The following FBXO41 variants were observed in gnomAD, a reference collection of about 807,000 sequenced individuals.
FBXO41 encodes F-box protein 41, also known as F-box only protein 41.
Under a neutral mutation model 81.6 loss-of-function variants are expected in FBXO41, and 33 were observed. That is an observed-to-expected ratio of 0.40 (90% CI 0.31 to 0.54). FBXO41 has a LOEUF of 0.54. FBXO41 is among the 20% of genes least tolerant of loss of function. The pLI is 0.39. For synonymous variants in FBXO41, 576 were observed against 552.7 expected, an observed-to-expected ratio of 1.04 and a Z score of -0.59; for missense variants, 1,107 against 1,236.0, an observed-to-expected ratio of 0.90 and a Z score of 1.56.
intron 2 of FBXO41, among the ~76,000 whole-genome samples, chr2:73,268,371 A>T (rs974619193): frequency 6.6e-6 from 1 of 152,186 alleles, no homozygotes; most frequent in African/African-American, 2.4e-5. Context: ...ATGCTTTTAG[A>T]AATATGCAGA....
rs1416356681 is a variant in FBXO41 at position 73,257,997 on chromosome 2, G to C, written c.*985C>G. 1 of 152,270 alleles carries C rather than the reference G, an allele frequency of 6.6e-6. No homozygotes were observed. The highest frequency in any genetic ancestry group is 2.4e-5 in the African/African-American group (1 of 41,426). The allele number at this position is 152,270 out of a possible 1,614,324, so 9.4% of individuals were successfully genotyped here. On this transcript the variant is annotated 3_prime_UTR_variant, in exon 13 of 13. Transcript: ENST00000520530. The surrounding 1 kb of genome is among the most constrained non-coding windows in gnomAD (Gnocchi z 4.6). ...CCACCCTCCTCCTGGCTTCCTCCAC[G>C]GCCTCAGCACAGAGGGCGGCCCTGT... is the stretch of plus-strand genomic sequence containing the variant.
Position 73,260,518 on chromosome 2 carries a change from C to A in FBXO41, c.2320G>T (p.Glu774Ter). The change falls in exon 11 of 13, where the codon GAG becomes TAG. Residue 774 changes from glutamate (E) to a stop codon, truncating the protein, a stop_gained. Transcript: ENST00000520530. LOFTEE classifies it high-confidence loss of function. This position sits in a 1 kb window ranked among gnomAD's most constrained non-coding sequence, Gnocchi z 5.0. ...ARNCMRLQVL[E>*]LDHVSEITQE... ...GTGATCTCTGACACGTGGTCAAGCT[C>A]CAGGACCTGCAGCCGCATGCAGTTT... is the stretch of plus-strand genomic sequence containing the variant. 1 of 1,599,228 alleles carries A rather than the reference C, an allele frequency of 6.3e-7. No individual in the cohort carries two copies. The highest frequency in any genetic ancestry group is 2.3e-5 in the East Asian group (1 of 44,036).
In FBXO41 at chr2:73,265,391, A is replaced by T; in HGVS notation, c.1455T>A (p.Asp485Glu). ...RRHSTEGEEG[D>E]VSDVGSRTTE... ...TGGTTCGGGAGCCAACGTCGGAGACATCACCCTCTTCCCCCTCAGTGCTGT... is the reference window on the plus strand; with the variant it reads ...TGGTTCGGGAGCCAACGTCGGAGACTTCACCCTCTTCCCCCTCAGTGCTGT... The change falls in exon 5 of 13, where the codon GAT becomes GAA. Residue 485 changes from aspartate (D) to glutamate (E), a missense_variant. Asp to Glu is a conservative substitution (Grantham distance 45). Coordinates refer to ENST00000520530, the MANE Select transcript of FBXO41 (RefSeq NM_001371389.2). The T allele has an allele frequency of 6.2e-7, 1 of 1,611,384 alleles. No homozygotes were observed. Among genetic ancestry groups the T allele is most frequent in the Non-Finnish European group, 8.5e-7 (1 of 1,179,730 alleles).
Position 73,264,326 on chromosome 2 carries a change from G to C in FBXO41, c.1758C>G (p.Pro586=), listed in dbSNP as rs773115773. 6.2e-7 allele frequency: 1 copy of C among 1,613,514 alleles called. No individual in the cohort carries two copies. Among genetic ancestry groups the C allele is most frequent in the Non-Finnish European group, 8.5e-7 (1 of 1,179,900 alleles). Residue 586 remains proline, a synonymous_variant, in exon 6 of 13, where the codon CCC becomes CCG. Coordinates refer to ENST00000520530, the MANE Select transcript of FBXO41 (RefSeq NM_001371389.2). ...CAAGCAGCACCCTTGTCCAGACTGC[G>C]GGGTGGCGGGCCACGAAGCGCCAGT... ...CRDWRFVARH[P]AVWTRVLLEN...
intron 1 of FBXO41, among the ~76,000 whole-genome samples, chr2:73,274,944 G>A (rs1340730203): frequency 1.3e-5 from 2 of 151,346 alleles, no homozygotes; most frequent in Non-Finnish European, 2.9e-5. Context: ...ACAATGGTGC[G>A]ATCTCAGCTC....
At chr2:73,276,971 G>C (rs1379078806) in intron 1 of FBXO41, among the ~76,000 whole-genome samples, 1 of 152,230 alleles carries the variant, frequency 6.6e-6, no homozygotes, top group Non-Finnish European at 1.5e-5. Context: ...CTAACTAAGT[G>C]CTGGTCCTTC....
At chr2:73,278,600 C>A (rs1399850030) in intron 1 of FBXO41, among the ~76,000 whole-genome samples, 1 of 152,144 alleles carries the variant, frequency 6.6e-6, no homozygotes, top group Admixed American at 6.5e-5. Flanking sequence ...TTAGAGTATA[C>A]AATTATGAAA....
chr2:73,265,209 G>T, intron 5 of FBXO41, 73 bp downstream of exon 5: 1 of 1,393,530 alleles, frequency 7.2e-7, no homozygotes, highest in South Asian at 1.4e-5. Context: ...GGGGAAAGGG[G>T]AGGGGGGTGC....
chr2:73,271,693 C>A lies in FBXO41; in HGVS notation c.-138-1925G>T, dbSNP rs1688505114. Among the ~76,000 whole-genome samples, 3 of 145,326 alleles carry A rather than the reference C, an allele frequency of 2.1e-5. No homozygotes were observed. In the South Asian group the frequency reaches 7.1e-4, roughly 34 times the overall value. On this transcript the variant is annotated intron_variant, in intron 1 of 12. Coordinates refer to ENST00000520530, the MANE Select transcript of FBXO41 (RefSeq NM_001371389.2). ...TCACCTGGGCTGGAGTGCAGTGGTG[C>A]AGTCTCGGCTCACTACAACCTCCCC...
chr2:73,273,159 CT>C (rs2103899974), intron 1 of FBXO41: 1 of 152,294 alleles, frequency 6.6e-6, no homozygotes, highest in South Asian at 2.1e-4. Flanking sequence ...ACCTTAGTAC[CT>C]AACCAAACAA....
At position 73,258,748 on chromosome 2, in the gene FBXO41, G is replaced by A; in HGVS notation, c.*234C>T. The A allele has an allele frequency of 2.1e-6, 1 of 479,942 alleles. No homozygotes were observed. Among genetic ancestry groups the A allele is most frequent in the Non-Finnish European group, 3.7e-6 (1 of 273,586 alleles). The allele number at this position is 479,942 out of a possible 1,614,324, so 29.7% of individuals were successfully genotyped here. A position where few individuals can be genotyped will look rare whatever the true frequency, so the allele number is the denominator to read the frequency against. ...CAGAGGCTACTCCAGCCGGGGTAGG[G>A]TGGGGGTCGGAGGGCAGCTTCTGTC... On this transcript the variant is annotated 3_prime_UTR_variant, in exon 13 of 13. Coordinates refer to ENST00000520530, the MANE Select transcript of FBXO41 (RefSeq NM_001371389.2).
At chr2:73,263,168 C>A in intron 9 of FBXO41, 45 bp downstream of exon 9, 1 of 1,499,926 alleles carries the variant, frequency 6.7e-7, no homozygotes, top group Non-Finnish European at 9.1e-7. Flanking sequence ...CAGACCAGGC[C>A]CAACCGTGTC....
At chr2:73,263,572 G>T in intron 8 of FBXO41, 106 bp downstream of exon 8, 1 of 1,422,500 alleles carries the variant, frequency 7.0e-7, no homozygotes, top group Non-Finnish European at 9.6e-7. Flanking sequence ...TAGAGCTCTT[G>T]GATCCCTTTG....
Position 73,269,664 on chromosome 2 carries a change from C to T in FBXO41, c.-34G>A, listed in dbSNP as rs1055645940. The T allele has an allele frequency of 1.7e-6, 2 of 1,148,174 alleles. No individual in the cohort carries two copies. Among genetic ancestry groups the T allele is most frequent in the Non-Finnish European group, 2.1e-6 (2 of 937,142 alleles). The allele number at this position is 1,148,174 out of a possible 1,614,324, so 71.1% of individuals were successfully genotyped here. On this transcript the variant is annotated 5_prime_UTR_variant, in exon 2 of 13. Transcript: ENST00000520530. The surrounding 1 kb of genome is among the most constrained non-coding windows in gnomAD (Gnocchi z 7.0). ...CGCCCCCGCGGCACGCGGGCTCCAC[C>T]GCGGCCGCCCCGCCGGTCAGCCGGG...
Position 73,266,442 on chromosome 2 carries a change from C to T in FBXO41, c.1131+15G>A. On this transcript the variant is annotated intron_variant, in intron 3 of 12. Coordinates refer to ENST00000520530, the MANE Select transcript of FBXO41 (RefSeq NM_001371389.2). This position sits in a 1 kb window ranked among gnomAD's most constrained non-coding sequence, Gnocchi z 5.3. ...AGGTGTGCAGGTAGAGGAGGGAAGG[C>T]AGGTGGGCACTCACCATTCTGCCTG... 1 of 1,472,460 alleles carries T rather than the reference C, an allele frequency of 6.8e-7. No homozygotes were observed. Among genetic ancestry groups the T allele is most frequent in the East Asian group, 2.6e-5 (1 of 38,274 alleles). The allele number at this position is 1,472,460 out of a possible 1,614,324, so 91.2% of individuals were successfully genotyped here. A position where few individuals can be genotyped will look rare whatever the true frequency, so the allele number is the denominator to read the frequency against.
At chr2:73,262,565 G>T (rs1447231614) in intron 9 of FBXO41, among the ~76,000 whole-genome samples, 4 of 152,204 alleles carry the variant, frequency 2.6e-5, no homozygotes, top group African/African-American at 7.2e-5. Flanking sequence ...AACAATTACT[G>T]TGGACCCTGC....
chr2:73,282,665 C>T (rs1349577321), intron 1 of FBXO41, among the ~76,000 whole-genome samples: 3 of 152,090 alleles, frequency 2.0e-5, no homozygotes, highest in South Asian at 2.1e-4. Flanking sequence ...ATCACTCCAC[C>T]GCACTCCAGC....
At chr2:73,263,421 C>T in intron 8 of FBXO41, 113 bp from the exon 9 acceptor site, 1 of 830,702 alleles carries the variant, frequency 1.2e-6, no homozygotes, top group Non-Finnish European at 1.8e-6. Context: ...GGATTCCAGA[C>T]TAGCTTGGGC....
Position 73,265,522 on chromosome 2 carries a change from T to A in FBXO41, c.1324A>T (p.Thr442Ser), listed in dbSNP as rs747654482. 1.9e-6 allele frequency: 3 copies of A among 1,595,940 alleles called. No homozygotes were observed. Among genetic ancestry groups the A allele is most frequent in the Non-Finnish European group, 2.6e-6 (3 of 1,173,100 alleles). ...PEDSGPGGLG[T>S]RAQAANGGSE... is the part of the protein sequence containing the mutation. ...CCCCCGTTGGCAGCCTGGGCCCGTG[T>A]GCCCAAGCCCCCAGGGCCACTGTCC... The change falls in exon 5 of 13, where the codon ACA becomes TCA. Residue 442 changes from threonine to serine, a missense_variant. Thr to Ser is a moderately conservative substitution (Grantham distance 58). Around this residue, in one of 2 missense-constraint regions of FBXO41, gnomAD observed 771 missense variants for 789.2 expected, o/e 0.98. Transcript: ENST00000520530.
Sources: gnomAD v4.1 joint callset for allele counts (sites outside exome capture counted in the v4.1 genomes callset) on GRCh38, gnomAD v4.1.1 for gene constraint, gnomAD v4.1.1 regional missense constraint, Gnocchi (gnomAD v3.1) non-coding constraint, MANE v1.5 for transcripts, NCBI Gene and HGNC (gene_info 2026-07-23, HGNC 2026-07-21) for gene names.